The following PDZRN4 variants were observed in gnomAD, a reference collection of about 807,000 sequenced individuals.
PDZRN4 encodes the protein PDZ domain containing ring finger 4, also known as PDZ domain-containing RING finger protein 4.
PDZRN4 carries 70 observed loss-of-function variants against 99.0 expected under a neutral mutation model. The observed-to-expected ratio is 0.71, with a 90% CI of 0.58 to 0.86. The LOEUF (loss-of-function observed/expected upper bound fraction) is 0.86. Ranked by LOEUF, PDZRN4 falls within the 40% of genes least tolerant of loss-of-function variation. The pLI is 0.00. For missense variants in PDZRN4, 1,474 were observed against 1,331.2 expected (o/e 1.11, Z -1.67); for synonymous variants, 551 against 501.6 (o/e 1.10, Z -1.32).
At chr12:41,260,911 A>G (rs986261982) in intron 3 of PDZRN4, among the ~76,000 whole-genome samples, 7 of 152,142 alleles carry the variant, frequency 4.6e-5, no homozygotes, top group Admixed American at 3.9e-4. Flanking sequence ...ATTTTCTACA[A>G]TATCACCCCC....
In PDZRN4 at chr12:41,395,032, C is replaced by T. The variant is rs184398849; in HGVS notation, c.844-111424C>T. ...TTTTTAAACCACTGCAGTTCACTTT[C>T]TTATCACAAATTATTTATATTGCTC... is the stretch of plus-strand genomic sequence containing the variant. On this transcript the variant is annotated intron_variant, in intron 3 of 9. Coordinates refer to ENST00000402685, the MANE Select transcript of PDZRN4 (RefSeq NM_001164595.2). Among the ~76,000 whole-genome samples, 24 of 152,242 alleles carry T rather than the reference C, an allele frequency of 1.6e-4. 1 individual carries two copies. The East Asian group carries it at 4.4e-3, about 28-fold the overall frequency.
intron 3 of PDZRN4, among the ~76,000 whole-genome samples, chr12:41,259,242 G>C (rs904597025): frequency 1.3e-5 from 2 of 151,938 alleles, no homozygotes; most frequent in East Asian, 3.9e-4. Flanking sequence ...GCCTATTGAG[G>C]AGAAAAGACA....
intron 3 of PDZRN4, among the ~76,000 whole-genome samples, chr12:41,239,838 A>C (rs1243582529): frequency 1.3e-5 from 2 of 152,242 alleles, no homozygotes; most frequent in African/African-American, 4.8e-5. Flanking sequence ...ATAAAAGCAC[A>C]TATTTAAAAA....
chr12:41,410,410 G>C (rs1370497952), intron 3 of PDZRN4, among the ~76,000 whole-genome samples: 1 of 152,140 alleles, frequency 6.6e-6, no homozygotes, highest in Non-Finnish European at 1.5e-5. Flanking sequence ...TTGTGCATAA[G>C]TCTGCCTTTA....
chr12:41,425,719 G>C (rs1367306917), intron 3 of PDZRN4, among the ~76,000 whole-genome samples: 4 of 152,114 alleles, frequency 2.6e-5, no homozygotes, highest in African/African-American at 9.7e-5. Flanking sequence ...TTCATCAGGA[G>C]TTATGCAAAT....
chr12:41,567,619 T>TTTA (rs143990010), intron 8 of PDZRN4, among the ~76,000 whole-genome samples, 164 bp from the exon 9 acceptor site: 4 of 146,342 alleles, frequency 2.7e-5, no homozygotes, highest in South Asian at 4.4e-4. Context: ...TTTTTTTTTT[T>TTTA]ATCACCTTTT....
At chr12:41,256,689 T>C (rs2120821418) in intron 3 of PDZRN4, among the ~76,000 whole-genome samples, 1 of 152,318 alleles carries the variant, frequency 6.6e-6, no homozygotes, top group East Asian at 1.9e-4. Flanking sequence ...GGCTGGATCA[T>C]GACTGTCTCC....
chr12:41,415,923 T>C (rs1952441423), intron 3 of PDZRN4, among the ~76,000 whole-genome samples: 1 of 152,260 alleles, frequency 6.6e-6, no homozygotes, highest in African/African-American at 2.4e-5. Context: ...AATATGTGTA[T>C]ACTTTACATT....
intron 3 of PDZRN4, among the ~76,000 whole-genome samples, chr12:41,366,977 T>A (rs1952004956): frequency 6.6e-6 from 1 of 152,152 alleles, no homozygotes; most frequent in African/African-American, 2.4e-5. Flanking sequence ...GATAGTCCTA[T>A]GAGACTGGTA....
intron 3 of PDZRN4, among the ~76,000 whole-genome samples, chr12:41,310,760 A>G (rs898499649): frequency 6.6e-6 from 1 of 152,254 alleles, no homozygotes; most frequent in Admixed American, 6.5e-5. Flanking sequence ...GTAATATTTT[A>G]TTCATGAGAC....
chr12:41,524,664 G>A (rs1938543060), intron 5 of PDZRN4, among the ~76,000 whole-genome samples: 1 of 152,124 alleles, frequency 6.6e-6, no homozygotes, highest in Admixed American at 6.5e-5. Context: ...AAGGCTTATG[G>A]ATTTTATTAT....
chr12:41,521,065 T>C (rs1235914335), intron 5 of PDZRN4, among the ~76,000 whole-genome samples: 2 of 152,136 alleles, frequency 1.3e-5, no homozygotes, highest in African/African-American at 2.4e-5. Context: ...TAATTGTAAG[T>C]TGGAGCTCTG....
chr12:41,557,349 G>A (rs910751670), intron 7 of PDZRN4, among the ~76,000 whole-genome samples: 4 of 152,076 alleles, frequency 2.6e-5, no homozygotes, highest in African/African-American at 9.7e-5. Flanking sequence ...CACTGCCACT[G>A]TTTCAGAGCT....
intron 3 of PDZRN4, among the ~76,000 whole-genome samples, chr12:41,302,600 C>G (rs1951543235): frequency 6.6e-6 from 1 of 152,108 alleles, no homozygotes. Flanking sequence ...GAATCAGATT[C>G]ATAATCCGGA....
intron 3 of PDZRN4, among the ~76,000 whole-genome samples, chr12:41,360,866 C>T (rs979226746): frequency 6.6e-6 from 1 of 151,760 alleles, no homozygotes; most frequent in African/African-American, 2.4e-5. Flanking sequence ...GGTTTTCTAC[C>T]TTATTGCAGG....
intron 3 of PDZRN4, among the ~76,000 whole-genome samples, chr12:41,394,760 G>A (rs1952234077): frequency 2.6e-5 from 4 of 151,442 alleles, no homozygotes; most frequent in East Asian, 1.9e-4. Flanking sequence ...CATGGAAGCT[G>A]GCTTCTCTTA....
At chr12:41,327,260 C>T (rs752788638) in intron 3 of PDZRN4, among the ~76,000 whole-genome samples, 2 of 152,140 alleles carry the variant, frequency 1.3e-5, no homozygotes, top group Non-Finnish European at 2.9e-5. Context: ...TGGCAGAAAG[C>T]TTGAGCATAT....
At chr12:41,520,022 G>C (rs542852967) in intron 5 of PDZRN4, among the ~76,000 whole-genome samples, 1 of 152,070 alleles carries the variant, frequency 6.6e-6, no homozygotes, top group Non-Finnish European at 1.5e-5. Flanking sequence ...GTTCCCCAGG[G>C]ATGACGTTTT....
intron 3 of PDZRN4, among the ~76,000 whole-genome samples, chr12:41,475,234 T>C (rs1373778068): frequency 6.6e-6 from 1 of 152,180 alleles, no homozygotes; most frequent in Non-Finnish European, 1.5e-5. Flanking sequence ...ATAATAGCCA[T>C]GCTCTTGAGT....
Sources: gnomAD v4.1 joint callset for allele counts (sites outside exome capture counted in the v4.1 genomes callset) on GRCh38, gnomAD v4.1.1 for gene constraint, MANE v1.5 for transcripts, NCBI Gene and HGNC (gene_info 2026-07-23, HGNC 2026-07-21) for gene names.